The following NID1 variants were observed in gnomAD, a reference collection of about 807,000 sequenced individuals.
The protein encoded by NID1 is nidogen-1.
NID1 carries 76 observed loss-of-function variants against 130.6 expected under a neutral mutation model. That is an observed-to-expected ratio of 0.58 (90% CI 0.48 to 0.70). The LOEUF (loss-of-function observed/expected upper bound fraction) is 0.70, where lower values mean the gene tolerates loss of function less well. Ranked by LOEUF, NID1 falls within the 30% of genes least tolerant of loss-of-function variation. The pLI, the probability that NID1 is intolerant of heterozygous loss-of-function variation, is 0.00. For missense variants in NID1, 1,517 were observed against 1,664.8 expected (o/e 0.91, Z 1.54); for synonymous variants, 665 against 675.1 (o/e 0.98, Z 0.23).
In NID1 at chr1:236,048,880, T is replaced by C; in HGVS notation, c.335A>G (p.Asp112Gly). The C allele has an allele frequency of 6.2e-7, 1 of 1,614,028 alleles. No homozygotes were observed. Among genetic ancestry groups the C allele is most frequent in the Non-Finnish European group, 8.5e-7 (1 of 1,180,002 alleles). The change falls in exon 2 of 20, where the codon GAC (aspartate) becomes GGC (glycine). Residue 112 changes from aspartate (D) to glycine (G), a missense_variant. Transcript: ENST00000264187. ...GAVAPFLADL[D>G]TTDGLGKVYY... is the part of the protein sequence containing the mutation. ...AACCTTCCCCAGGCCATCGGTCGTG[T>C]CCAAGTCCGCCAGGAAAGGGGCGAC... is the stretch of plus-strand genomic sequence containing the variant.
At chr1:236,016,750 T>C (rs888058022) in intron 10 of NID1, among the ~76,000 whole-genome samples, 1 of 152,198 alleles carries the variant, frequency 6.6e-6, no homozygotes, top group Non-Finnish European at 1.5e-5. Context: ...GAATTCAATC[T>C]AAGATAGGTA....
chr1:236,064,602 T>G, intron 1 of NID1: 1 of 484,602 alleles, frequency 2.1e-6, no homozygotes, highest in African/African-American at 2.1e-5. Flanking sequence ...GCGGGGTCCA[T>G]GGGTGCCGGG....
chr1:236,011,315 T>C (rs1283246846), intron 12 of NID1, among the ~76,000 whole-genome samples: 8 of 150,170 alleles, frequency 5.3e-5, no homozygotes, highest in Admixed American at 5.3e-4. Flanking sequence ...TCTTTTTTTT[T>C]TTTTTTTGAG....
chr1:236,041,176 T>C (rs1659439291), intron 4 of NID1, among the ~76,000 whole-genome samples: 1 of 152,112 alleles, frequency 6.6e-6, no homozygotes, highest in Admixed American at 6.5e-5. Flanking sequence ...CAAGCAATCC[T>C]CCTGCCTCAG....
At chr1:235,980,686 G>A in intron 16 of NID1, 33 bp from the exon 17 acceptor site, 1 of 1,603,902 alleles carries the variant, frequency 6.2e-7, no homozygotes, top group Admixed American at 1.7e-5. Context: ...AAGAGGAAAA[G>A]AAATAATAAG....
chr1:236,028,962 A>C (rs954768538), intron 7 of NID1, among the ~76,000 whole-genome samples: 1 of 152,172 alleles, frequency 6.6e-6, no homozygotes, highest in Non-Finnish European at 1.5e-5. Flanking sequence ...AGATCACTTG[A>C]GGTCAGGAGT....
At chr1:235,978,418 A>G (rs1657337179) in intron 19 of NID1, among the ~76,000 whole-genome samples, 1 of 152,338 alleles carries the variant, frequency 6.6e-6, no homozygotes, top group African/African-American at 2.4e-5. Flanking sequence ...GCAGCATAGC[A>G]TAGACTCCAG....
chr1:236,048,746 A>C lies in NID1; in HGVS notation c.469T>G (p.Trp157Gly). Residue 157 changes from tryptophan (W) to glycine (G), a missense_variant, in exon 2 of 20, where the codon TGG (tryptophan) becomes GGG (glycine). Transcript: ENST00000264187. ...CCTTGGTAGGGGGCCACGGATTCCC[A>C]AGTGACAACCACCGCGCTACTAGGC... ...FQPSSAVVVT[W>G]ESVAPYQGPS... 1.9e-6 allele frequency: 3 copies of C among 1,613,050 alleles called. No homozygotes were observed. The highest frequency in any genetic ancestry group is 2.5e-6 in the Non-Finnish European group (3 of 1,180,018).
At chr1:236,061,713 G>A (rs1197603295) in intron 1 of NID1, among the ~76,000 whole-genome samples, 1 of 151,674 alleles carries the variant, frequency 6.6e-6, no homozygotes, top group African/African-American at 2.4e-5. Context: ...GTTGAAAGAT[G>A]AGGCCCTTCT....
At position 236,032,520 on chromosome 1, in the gene NID1, A is replaced by G; in HGVS notation, c.1418T>C (p.Ile473Thr). The change falls in exon 6 of 20, where the codon ATC (isoleucine) becomes ACC (threonine). Residue 473 changes from isoleucine (I) to threonine (T), a missense_variant. Ile to Thr is a moderately conservative substitution (Grantham distance 89). Coordinates refer to ENST00000264187, the MANE Select transcript of NID1 (RefSeq NM_002508.3). ...TCCAACGGTCTCGGGAATGGTGCTG[A>G]TGGCTGTGTAGGAGCGCCCGTGGTT... ...VMNHGRSYTA[I>T]STIPETVGYS... is the part of the protein sequence containing the mutation. 1 of 1,614,172 alleles carries G rather than the reference A, an allele frequency of 6.2e-7. No individual in the cohort carries two copies. The highest frequency in any genetic ancestry group is 2.2e-5 in the East Asian group (1 of 44,888).
At chr1:236,050,632 A>AT (rs1231069464) in intron 1 of NID1, among the ~76,000 whole-genome samples, 1 of 151,992 alleles carries the variant, frequency 6.6e-6, no homozygotes, top group Non-Finnish European at 1.5e-5. Context: ...GGCCCCTGAG[A>AT]TACTGTGGCA....
Position 235,977,769 on chromosome 1 carries a change from G to C in NID1, c.*98C>G, listed in dbSNP as rs1199865792. ...AGGCTGGGCTGGGTCTGGGCCTAGT[G>C]GCCACTCAGCCAGAGGACACTTTTC... On this transcript the variant is annotated 3_prime_UTR_variant, in exon 20 of 20. Transcript: ENST00000264187. 1 of 1,416,818 alleles carries C rather than the reference G, an allele frequency of 7.1e-7. No individual in the cohort carries two copies. The highest frequency in any genetic ancestry group is 2.3e-5 in the East Asian group (1 of 43,476). The allele number at this position is 1,416,818 out of a possible 1,614,324, so 87.8% of individuals were successfully genotyped here.
chr1:236,010,983 C>A (rs941168647), intron 12 of NID1, among the ~76,000 whole-genome samples: 2 of 152,198 alleles, frequency 1.3e-5, no homozygotes, highest in South Asian at 2.1e-4. Flanking sequence ...CTGTAAATAG[C>A]TGTGAGCCCC....
intron 6 of NID1, among the ~76,000 whole-genome samples, chr1:236,031,157 T>C (rs1659087159): frequency 6.6e-6 from 1 of 152,092 alleles, no homozygotes; most frequent in South Asian, 2.1e-4. Flanking sequence ...CTCACTCTGT[T>C]GCCCAGGCTG....
chr1:236,033,230 C>A lies in NID1; in HGVS notation c.1286-578G>T, dbSNP rs953056264. The stretch of plus-strand genomic sequence containing the variant: ...GGCTGAGGTGGGATAATCGCTTGAA[C>A]CCGGGAGGCTAAGGTTGCAGTGAGC... On this transcript the variant is annotated intron_variant, in intron 5 of 19. Coordinates refer to ENST00000264187, the MANE Select transcript of NID1 (RefSeq NM_002508.3). Among the ~76,000 whole-genome samples the A allele has an allele frequency of 3.4e-4, 52 of 152,168 alleles. 1 individual carries two copies. Among genetic ancestry groups the A allele is most frequent in the Non-Finnish European group, 1.5e-5 (1 of 68,040 alleles).
chr1:235,976,912 C>T lies in NID1; in HGVS notation c.*955G>A, dbSNP rs1657271098. Reference sequence around the variant, plus strand: ...ACTGTGGTGGGACATCATCTGGTGCCAGCCCCATCCTGTACCTCAGATAGG... The same window carrying T: ...ACTGTGGTGGGACATCATCTGGTGCTAGCCCCATCCTGTACCTCAGATAGG... On this transcript the variant is annotated 3_prime_UTR_variant, in exon 20 of 20. Coordinates refer to ENST00000264187, the MANE Select transcript of NID1 (RefSeq NM_002508.3). The T allele has an allele frequency of 1.3e-5, 2 of 152,152 alleles. No individual in the cohort carries two copies. Among genetic ancestry groups the T allele is most frequent in the South Asian group, 4.1e-4 (2 of 4,834 alleles). The allele number at this position is 152,152 out of a possible 1,614,324, so 9.4% of individuals were successfully genotyped here. A position where few individuals can be genotyped will look rare whatever the true frequency, so the allele number is the denominator to read the frequency against.
At chr1:236,033,580 G>A (rs765094718) in intron 5 of NID1, among the ~76,000 whole-genome samples, 6 of 152,192 alleles carry the variant, frequency 3.9e-5, no homozygotes, top group East Asian at 1.9e-4. Context: ...CCAGCTTGGC[G>A]TGTCTGGTGC....
At chr1:236,014,968 AG>A (rs1173895163) in intron 10 of NID1, among the ~76,000 whole-genome samples, 5 of 152,256 alleles carry the variant, frequency 3.3e-5, no homozygotes, top group Non-Finnish European at 1.5e-5. Flanking sequence ...ATGAGTTTAC[AG>A]AAAATGCCAA....
At chr1:236,040,378 A>G (rs1659415300) in intron 4 of NID1, among the ~76,000 whole-genome samples, 2 of 152,166 alleles carry the variant, frequency 1.3e-5, no homozygotes, top group African/African-American at 2.4e-5. Flanking sequence ...CCAGCCAGTA[A>G]GCACCCCATC....
Sources: allele counts gnomAD v4.1 joint callset (sites outside exome capture counted in the v4.1 genomes callset), GRCh38; gene constraint gnomAD v4.1.1; transcripts MANE v1.5; gene names NCBI Gene and HGNC (gene_info 2026-07-23, HGNC 2026-07-21).